Variants in SYT17 observed in about 807,000 individuals in gnomAD.
SYT17 encodes synaptotagmin 17.
In SYT17, 22 loss-of-function variants were observed where a neutral mutation model predicts 46.7. The observed-to-expected ratio is 0.47, with a 90% confidence interval of 0.34 to 0.67. The LOEUF (loss-of-function observed/expected upper bound fraction) is 0.67. Ranked by LOEUF, SYT17 falls within the 30% of genes least tolerant of loss-of-function variation. SYT17 has a pLI of 0.01. For missense variants in SYT17, 519 were observed against 612.8 expected (o/e 0.85, Z 1.62); for synonymous variants, 251 against 248.4 (o/e 1.01, Z -0.10).
intron 5 of SYT17, among the ~76,000 whole-genome samples, chr16:19,212,730 A>C (rs1737480327): frequency 1.3e-5 from 2 of 152,234 alleles, no homozygotes; most frequent in African/African-American, 4.8e-5. Context: ...CTGACATTCC[A>C]ATCTTATCTC....
chr16:19,203,933 G>C (rs1965566131), intron 5 of SYT17, among the ~76,000 whole-genome samples: 1 of 152,240 alleles, frequency 6.6e-6, no homozygotes. Flanking sequence ...ACATAAGATT[G>C]ACGGAAGCGG....
intron 7 of SYT17, among the ~76,000 whole-genome samples, chr16:19,263,897 T>C (rs1216394681): frequency 2.6e-5 from 4 of 152,226 alleles, no homozygotes; most frequent in Non-Finnish European, 5.9e-5. Context: ...ATTCAGCTGC[T>C]GTGGTCTGAA....
intron 1 of SYT17, chr16:19,172,399 T>C (rs911773467): frequency 2.8e-6 from 4 of 1,421,608 alleles, no homozygotes; most frequent in Admixed American, 6.6e-5. Flanking sequence ...GCTATTTCTG[T>C]ATAGGAAGGT....
intron 7 of SYT17, among the ~76,000 whole-genome samples, chr16:19,255,363 T>C (rs1237131149): frequency 6.6e-6 from 1 of 152,160 alleles, no homozygotes; most frequent in Non-Finnish European, 1.5e-5. Flanking sequence ...TCCTGTGCAT[T>C]GTAGGATGGG....
intron 5 of SYT17, among the ~76,000 whole-genome samples, chr16:19,203,332 A>G (rs1043538030): frequency 1.2e-5 from 1 of 81,240 alleles, no homozygotes; most frequent in African/African-American, 8.6e-5. Flanking sequence ...CTCTACTAAC[A>G]ATACAAAAAA....
intron 6 of SYT17, among the ~76,000 whole-genome samples, chr16:19,223,484 GAC>G (rs1437859352): frequency 5.9e-5 from 9 of 152,174 alleles, no homozygotes; most frequent in African/African-American, 2.2e-4. Flanking sequence ...GAGCGTGGAG[GAC>G]ACACCCTAAG....
chr16:19,173,454 C>A lies in SYT17; in HGVS notation c.58C>A (p.Leu20Met). Residue 20 changes from leucine (L) to methionine (M), a missense_variant, in exon 3 of 8, where the codon CTG becomes ATG. Coordinates refer to ENST00000355377, the MANE Select transcript of SYT17 (RefSeq NM_016524.4). ...GGGTTTTCTTTCTAGAATCTCTGGTCTGCTGCTGTGCAGATGGACCTGCCG... is the reference window on the plus strand; with the variant it reads ...GGGTTTTCTTTCTAGAATCTCTGGTATGCTGCTGTGCAGATGGACCTGCCG... ...NEGFLSRISG[L>M]LLCRWTCRHC... 1 of 1,382,268 alleles carries A rather than the reference C, an allele frequency of 7.2e-7. No homozygotes were observed. The highest frequency in any genetic ancestry group is 9.6e-7 in the Non-Finnish European group (1 of 1,037,226). 85.6% of individuals were successfully genotyped at this position (1,382,268 alleles called of 1,614,324 possible).
chr16:19,193,967 C>T (rs899631039), intron 5 of SYT17, among the ~76,000 whole-genome samples: 1 of 152,186 alleles, frequency 6.6e-6, no homozygotes, highest in Admixed American at 6.5e-5. Flanking sequence ...CTGTTCTGGT[C>T]GGGGCTAGGT....
intron 7 of SYT17, among the ~76,000 whole-genome samples, chr16:19,241,112 T>C (rs1967082683): frequency 6.6e-6 from 1 of 151,334 alleles, no homozygotes; most frequent in South Asian, 2.1e-4. Context: ...TACGCCCGGC[T>C]AATTTTTTGT....
chr16:19,207,086 G>A (rs1199437505), intron 5 of SYT17, among the ~76,000 whole-genome samples: 1 of 152,074 alleles, frequency 6.6e-6, no homozygotes, highest in East Asian at 1.9e-4. Flanking sequence ...AGAGCCTCGT[G>A]CCTTCCCCAT....
In SYT17 at chr16:19,170,684, AATGG is replaced by A. The variant is rs1395365244; in HGVS notation, c.15+2024_15+2027del. On this transcript the variant is annotated intron_variant, in intron 1 of 7. Transcript: ENST00000355377. ...TGTCTCTGTTCACTTTGGTTTCATA[AATGG>A]CCTCTTTTGACCACCACATGTCTAG... is the stretch of plus-strand genomic sequence containing the variant. 4 of 152,204 alleles carry A rather than the reference AATGG, an allele frequency of 2.6e-5. No homozygotes were observed. In the East Asian group the frequency reaches 7.7e-4, roughly 29 times the overall value. 9.4% of individuals were successfully genotyped at this position (152,204 alleles called of 1,614,324 possible).
At chr16:19,246,003 T>C (rs149940309) in intron 7 of SYT17, among the ~76,000 whole-genome samples, 2 of 152,062 alleles carry the variant, frequency 1.3e-5, no homozygotes, top group African/African-American at 4.8e-5. Flanking sequence ...TTTTGTATAT[T>C]ATTTATTTAT....
chr16:19,193,937 CAGT>C (rs1407042366), intron 5 of SYT17, among the ~76,000 whole-genome samples: 2 of 152,318 alleles, frequency 1.3e-5, no homozygotes, highest in East Asian at 3.9e-4. Flanking sequence ...GTGGGGCTGA[CAGT>C]AGGCAGTCAA....
At chr16:19,255,763 G>A (rs1968517348) in intron 7 of SYT17, among the ~76,000 whole-genome samples, 1 of 152,082 alleles carries the variant, frequency 6.6e-6, no homozygotes, top group Admixed American at 6.5e-5. Context: ...GCACTCCACT[G>A]TACTCTCTTA....
At chr16:19,257,791 G>T (rs184419687) in intron 7 of SYT17, among the ~76,000 whole-genome samples, 3 of 152,072 alleles carry the variant, frequency 2.0e-5, no homozygotes, top group Non-Finnish European at 4.4e-5. Flanking sequence ...GAGGTTTCGG[G>T]GTGCCAGCCA....
At chr16:19,196,214 C>T (rs776504443) in intron 5 of SYT17, among the ~76,000 whole-genome samples, 28 of 151,772 alleles carry the variant, frequency 1.8e-4, no homozygotes, top group South Asian at 4.2e-4. Context: ...TGGTCATAAC[C>T]ATGCCCCAGG....
chr16:19,239,373 C>T (rs377258335), intron 7 of SYT17, among the ~76,000 whole-genome samples: 4 of 152,122 alleles, frequency 2.6e-5, no homozygotes, highest in African/African-American at 4.8e-5. Context: ...TCTAGTGTCA[C>T]CTGTCTGCCT....
intron 5 of SYT17, among the ~76,000 whole-genome samples, chr16:19,185,760 C>A (rs1964760933): frequency 6.6e-6 from 1 of 152,234 alleles, no homozygotes; most frequent in African/African-American, 2.4e-5. Flanking sequence ...GAGGTAGTAA[C>A]ACCACCTCGC....
At chr16:19,204,786 G>T (rs949548336) in intron 5 of SYT17, among the ~76,000 whole-genome samples, 3 of 152,108 alleles carry the variant, frequency 2.0e-5, no homozygotes, top group African/African-American at 7.2e-5. Flanking sequence ...TGGCTCTGTT[G>T]AGGGCAGCTT....
Sources: gnomAD v4.1 joint callset for allele counts (sites outside exome capture counted in the v4.1 genomes callset) on GRCh38, gnomAD v4.1.1 for gene constraint, MANE v1.5 for transcripts, NCBI Gene and HGNC (gene_info 2026-07-23, HGNC 2026-07-21) for gene names.